SIK3: variants seen among roughly 807,000 people sequenced by gnomAD.
The protein encoded by SIK3 is serine/threonine-protein kinase SIK3.
SIK3 carries 28 observed loss-of-function variants against 144.2 expected under a neutral mutation model. That is an observed-to-expected ratio of 0.19 (90% CI 0.14 to 0.27). The LOEUF (loss-of-function observed/expected upper bound fraction) is 0.27, where lower values mean the gene tolerates loss of function less well. Among genes scored for constraint, SIK3 ranks in the 10% least tolerant of loss-of-function variants. SIK3 has a pLI of 1.00. For synonymous variants in SIK3, 686 were observed against 676.3 expected (o/e 1.01, Z -0.22); for missense variants, 1,319 against 1,776.0 (o/e 0.74, Z 4.62).
At chr11:117,060,794 T>C (rs1953757974) in intron 1 of SIK3, among the ~76,000 whole-genome samples, 1 of 152,204 alleles carries the variant, frequency 6.6e-6, no homozygotes, top group South Asian at 2.1e-4. Context: ...CTATGAATTT[T>C]AGTTAATGTA....
intron 6 of SIK3, among the ~76,000 whole-genome samples, chr11:116,881,089 A>G (rs979612198): frequency 2.0e-5 from 3 of 152,136 alleles, no homozygotes; most frequent in African/African-American, 7.2e-5. Flanking sequence ...GCACCACTGC[A>G]CTCCAGCCTG....
At chr11:116,891,696 A>G (rs1333033253) in intron 6 of SIK3, among the ~76,000 whole-genome samples, 2 of 151,904 alleles carry the variant, frequency 1.3e-5, no homozygotes, top group Non-Finnish European at 2.9e-5. Flanking sequence ...ATGTACGTGT[A>G]TGTGTGTGTG....
chr11:117,034,852 A>G (rs1952424575), intron 1 of SIK3, among the ~76,000 whole-genome samples: 1 of 152,176 alleles, frequency 6.6e-6, no homozygotes, highest in Non-Finnish European at 1.5e-5. Flanking sequence ...AAAAAAACCA[A>G]ACTTATTTTT....
Position 116,867,765 on chromosome 11 carries a change from G to A in SIK3, c.1952+181C>T, listed in dbSNP as rs1285053460. Reference sequence around the variant, plus strand: ...GAGGAATCTCGCATTGCTCCAGGGCGCAGTAAAAAACCTTTGCCCTGTGCA... The same window carrying A: ...GAGGAATCTCGCATTGCTCCAGGGCACAGTAAAAAACCTTTGCCCTGTGCA... On this transcript the variant is annotated intron_variant, in intron 15 of 24. Transcript: ENST00000445177. This position sits in a 1 kb window ranked among gnomAD's most constrained non-coding sequence, Gnocchi z 4.1. 1.0e-5 allele frequency: 5 copies of A among 501,440 alleles called. No homozygotes were observed. The highest frequency in any genetic ancestry group is 3.7e-5 in the Admixed American group (1 of 26,692). The allele number at this position is 501,440 out of a possible 1,614,324, so 31.1% of individuals were successfully genotyped here. A position where few individuals can be genotyped will look rare whatever the true frequency, so the allele number is the denominator to read the frequency against.
At chr11:116,885,961 T>C (rs958487060) in intron 6 of SIK3, among the ~76,000 whole-genome samples, 1 of 152,226 alleles carries the variant, frequency 6.6e-6, no homozygotes, top group Non-Finnish European at 1.5e-5. Flanking sequence ...GCCTGGTACA[T>C]AGAAAGTGGT....
intron 3 of SIK3, among the ~76,000 whole-genome samples, chr11:116,947,632 C>CTCGG: frequency 6.7e-6 from 1 of 149,494 alleles, no homozygotes; most frequent in East Asian, 2.0e-4. Context: ...GTGGCACGAT[C>CTCGG]TCGGCTCACT....
At chr11:116,918,121 C>T (rs1135663) in intron 4 of SIK3, among the ~76,000 whole-genome samples, 10,997 of 152,146 alleles carry the variant, frequency 0.072, 458 homozygotes, top group Middle Eastern at 0.12. Flanking sequence ...CAGGGTACAT[C>T]GTACATGTTA....
intron 1 of SIK3, among the ~76,000 whole-genome samples, chr11:116,958,236 G>A (rs1949216728): frequency 6.6e-6 from 1 of 152,142 alleles, no homozygotes; most frequent in Non-Finnish European, 1.5e-5. Flanking sequence ...AAGTAAAAAT[G>A]TTTAGCTCAG....
intron 1 of SIK3, among the ~76,000 whole-genome samples, chr11:117,036,555 G>C (rs1565581680): frequency 6.6e-6 from 1 of 152,116 alleles, no homozygotes; most frequent in Non-Finnish European, 1.5e-5. Context: ...TGCTCTTTTA[G>C]AGCTGAGAAT....
At chr11:116,862,017 A>C in intron 17 of SIK3, 91 bp from the exon 18 acceptor site, 1 of 1,220,462 alleles carries the variant, frequency 8.2e-7, no homozygotes, top group East Asian at 2.4e-5. Context: ...AGAAAGAACT[A>C]TCTGTGTCTC....
At chr11:116,926,441 T>C (rs1440812230) in intron 4 of SIK3, among the ~76,000 whole-genome samples, 1 of 152,100 alleles carries the variant, frequency 6.6e-6, no homozygotes, top group African/African-American at 2.4e-5. Flanking sequence ...CTAGTAAAAT[T>C]TGAGAAGACA....
intron 6 of SIK3, among the ~76,000 whole-genome samples, chr11:116,888,633 G>C (rs1944948297): frequency 6.6e-6 from 1 of 152,240 alleles, no homozygotes; most frequent in African/African-American, 2.4e-5. Context: ...CCAAGGGCCA[G>C]AGAGATCATA....
chr11:116,997,758 T>C (rs968851449), intron 1 of SIK3, among the ~76,000 whole-genome samples: 7 of 152,214 alleles, frequency 4.6e-5, no homozygotes, highest in African/African-American at 7.2e-5. Flanking sequence ...GAAAATAGTA[T>C]ACAATGAATT....
chr11:116,875,796 T>G (rs1321180841), intron 9 of SIK3, 70 bp downstream of exon 9: 1 of 1,503,014 alleles, frequency 6.7e-7, no homozygotes, highest in Non-Finnish European at 8.9e-7. Flanking sequence ...TTAGGGTTAG[T>G]GAGCAACAGC....
At chr11:117,075,038 G>GT (rs1289678879) in intron 1 of SIK3, among the ~76,000 whole-genome samples, 1 of 151,938 alleles carries the variant, frequency 6.6e-6, no homozygotes, top group Non-Finnish European at 1.5e-5. Flanking sequence ...AGTGAAAAAA[G>GT]TAAGATGCAG....
chr11:117,044,336 A>G (rs1952865930), intron 1 of SIK3, among the ~76,000 whole-genome samples: 1 of 152,198 alleles, frequency 6.6e-6, no homozygotes, highest in African/African-American at 2.4e-5. Flanking sequence ...TAGCAGACTT[A>G]TACTTTTCTT....
chr11:117,051,736 C>T (rs866948466), intron 1 of SIK3, among the ~76,000 whole-genome samples: 9 of 152,056 alleles, frequency 5.9e-5, no homozygotes, highest in Middle Eastern at 6.8e-3. Flanking sequence ...AACATGTTGG[C>T]CGACCTGGTC....
chr11:117,046,407 A>C (rs566383563), intron 1 of SIK3, among the ~76,000 whole-genome samples: 41 of 152,326 alleles, frequency 2.7e-4, no homozygotes, highest in African/African-American at 9.9e-4. Context: ...ATACCTGCTA[A>C]AACAAATTTA....
chr11:116,943,594 A>G (rs941145410), intron 3 of SIK3, among the ~76,000 whole-genome samples: 1 of 152,070 alleles, frequency 6.6e-6, no homozygotes, highest in African/African-American at 2.4e-5. Context: ...ACCGAAACCT[A>G]GTTTGTAGTC....
Sources: gnomAD v4.1 joint callset for allele counts (sites outside exome capture counted in the v4.1 genomes callset) on GRCh38, gnomAD v4.1.1 for gene constraint, Gnocchi (gnomAD v3.1) non-coding constraint, MANE v1.5 for transcripts, NCBI Gene and HGNC (gene_info 2026-07-23, HGNC 2026-07-21) for gene names.